Variants in MAGI2 observed in about 807,000 individuals in gnomAD.
MAGI2 encodes membrane associated guanylate kinase, WW and PDZ domain containing 2.
In MAGI2, 35 loss-of-function variants were observed where a neutral mutation model predicts 133.3. That is an observed-to-expected ratio of 0.26 (90% CI 0.20 to 0.35). The LOEUF is 0.35. Ranked by LOEUF, MAGI2 falls within the 10% of genes least tolerant of loss-of-function variation. MAGI2 has a pLI of 1.00. For synonymous variants in MAGI2, 729 were observed against 710.6 expected, an observed-to-expected ratio of 1.03 and a Z score of -0.41; for missense variants, 1,636 against 1,863.4, an observed-to-expected ratio of 0.88 and a Z score of 2.25.
rs118075414 is a variant in MAGI2 at position 78,797,889 on chromosome 7, C to T, written c.419-170650G>A. 7.2e-3 allele frequency among the ~76,000 whole-genome samples: 1,088 copies of T among 151,856 alleles called. 38 individuals carry two copies. The highest frequency in any genetic ancestry group is 0.049 in the Admixed American group (742 of 15,242). On this transcript the variant is annotated intron_variant, in intron 2 of 21. Coordinates refer to ENST00000354212, the MANE Select transcript of MAGI2 (RefSeq NM_012301.4). Reference sequence around the variant, plus strand: ...CAAGAGCAGTTCAAATAATAGGGTGCATGGGTGCATGGCAATGAAACCTGT... The same window carrying T: ...CAAGAGCAGTTCAAATAATAGGGTGTATGGGTGCATGGCAATGAAACCTGT...
chr7:79,074,674 G>A (rs933293589), intron 1 of MAGI2, among the ~76,000 whole-genome samples: 5 of 152,188 alleles, frequency 3.3e-5, no homozygotes, highest in African/African-American at 1.2e-4. Context: ...TTAAGTATGT[G>A]AAAATCAATG....
Position 78,497,754 on chromosome 7 carries a change from A to ATCTATCTGTCTG in MAGI2, c.965+3822_965+3823insCAGACAGATAGA, listed in dbSNP as rs1554442399. Among the ~76,000 whole-genome samples, 76 of 104,494 alleles carry ATCTATCTGTCTG rather than the reference A, an allele frequency of 7.3e-4. No individual in the cohort carries two copies. The South Asian group carries it at 9.8e-3, about 14-fold the overall frequency. 68.6% of individuals were successfully genotyped at this position (104,494 alleles called of 152,430 possible). ...TATCTATCTATCTATCTATCTATCT[A>ATCTATCTGTCTG]TCTATCTATCTTTCTATCTTATACA... On this transcript the variant is annotated intron_variant, in intron 5 of 21. Transcript: ENST00000354212.
chr7:78,366,338 C>T lies in MAGI2; in HGVS notation c.1103+2818G>A, dbSNP rs968669051. On this transcript the variant is annotated intron_variant, in intron 7 of 21. Coordinates refer to ENST00000354212, the MANE Select transcript of MAGI2 (RefSeq NM_012301.4). Reference sequence around the variant, plus strand: ...TTATTTTATATTTATAATACATATACCGAAAATGTGGAGATAGCAACTTAA... The same window carrying T: ...TTATTTTATATTTATAATACATATATCGAAAATGTGGAGATAGCAACTTAA... Among the ~76,000 whole-genome samples, 4 of 152,050 alleles carry T rather than the reference C, an allele frequency of 2.6e-5. No homozygotes were observed. In the East Asian group the frequency reaches 7.7e-4, roughly 29 times the overall value.
At chr7:78,152,024 C>T (rs1295272367) in intron 16 of MAGI2, among the ~76,000 whole-genome samples, 1 of 151,982 alleles carries the variant, frequency 6.6e-6, no homozygotes, top group Non-Finnish European at 1.5e-5. Flanking sequence ...AAGCAACTCA[C>T]AACTTTTGTG....
intron 2 of MAGI2, among the ~76,000 whole-genome samples, chr7:78,867,395 A>G (rs968309350): frequency 1.3e-5 from 2 of 151,178 alleles, no homozygotes; most frequent in Non-Finnish European, 2.9e-5. Flanking sequence ...TTGTAGGGAC[A>G]TGGATGAAAT....
rs757714231 is a variant in MAGI2 at position 78,019,764 on chromosome 7, T to G, written c.3919A>C (p.Lys1307Gln). 2.8e-5 allele frequency: 45 copies of G among 1,612,392 alleles called. No homozygotes were observed. The East Asian group carries it at 2.9e-4, about 10-fold the overall frequency. ...TCCCTCTGCTCCCCGAGGCGCTGCT[T>G]CTTCTGGCCGCAGGCTGAAAGCTCC... ...PKELSACGQK[K>Q]QRLGEQRERS... Residue 1307 changes from lysine (K) to glutamine (Q), a missense_variant, in exon 22 of 22, where the codon AAG becomes CAG. Coordinates refer to ENST00000354212, the MANE Select transcript of MAGI2 (RefSeq NM_012301.4).
chr7:79,033,090 C>G (rs913207284), intron 1 of MAGI2, among the ~76,000 whole-genome samples: 41 of 152,116 alleles, frequency 2.7e-4, no homozygotes, highest in African/African-American at 9.9e-4. Flanking sequence ...GAGGTATGCT[C>G]TTGGATCTGT....
chr7:78,540,117 A>C (rs1798287956), intron 3 of MAGI2, among the ~76,000 whole-genome samples: 1 of 152,172 alleles, frequency 6.6e-6, no homozygotes, highest in South Asian at 2.1e-4. Context: ...CAGGTTTCTC[A>C]GGCAATGGGC....
intron 2 of MAGI2, among the ~76,000 whole-genome samples, chr7:78,659,791 G>A (rs1009917700): frequency 2.6e-5 from 4 of 152,074 alleles, no homozygotes; most frequent in Admixed American, 2.6e-4. Flanking sequence ...GTGGACAACT[G>A]GGTAAAGGAT....
intron 2 of MAGI2, among the ~76,000 whole-genome samples, chr7:78,805,799 A>G (rs1004305288): frequency 5.9e-5 from 9 of 152,156 alleles, no homozygotes; most frequent in Non-Finnish European, 5.9e-5. Context: ...ATAATAGGGA[A>G]CAGCAGGGAA....
chr7:78,382,462 T>C (rs1321208444), intron 6 of MAGI2, among the ~76,000 whole-genome samples: 1 of 152,056 alleles, frequency 6.6e-6, no homozygotes, highest in Non-Finnish European at 1.5e-5. Flanking sequence ...TTGAAGAAAT[T>C]AGAGATTCTA....
intron 1 of MAGI2, among the ~76,000 whole-genome samples, chr7:79,391,264 A>G (rs922248935): frequency 6.6e-6 from 1 of 151,992 alleles, no homozygotes; most frequent in Non-Finnish European, 1.5e-5. Context: ...CTGGTTTAAT[A>G]AAATAATCCA....
chr7:78,723,428 A>G (rs117542027), intron 2 of MAGI2, among the ~76,000 whole-genome samples: 6,803 of 152,312 alleles, frequency 0.045, 229 homozygotes, highest in Non-Finnish European at 0.069. Flanking sequence ...AGTGATTCTG[A>G]AACAAGTAAG....
chr7:78,671,374 A>G (rs1170268236), intron 2 of MAGI2, among the ~76,000 whole-genome samples: 1 of 151,906 alleles, frequency 6.6e-6, no homozygotes, highest in Non-Finnish European at 1.5e-5. Flanking sequence ...TTTTAAACAG[A>G]TACTTTGCAA....
At chr7:79,320,207 C>CA (rs1183758826) in intron 1 of MAGI2, among the ~76,000 whole-genome samples, 1 of 151,854 alleles carries the variant, frequency 6.6e-6, no homozygotes, top group Admixed American at 6.6e-5. Flanking sequence ...CCCATATATA[C>CA]AAAAAATCCC....
intron 1 of MAGI2, among the ~76,000 whole-genome samples, chr7:79,138,866 T>C (rs554477500): frequency 9.7e-4 from 145 of 148,856 alleles, no homozygotes; most frequent in Middle Eastern, 3.6e-3. Flanking sequence ...ATTAGCCGGG[T>C]GTGGTGGTTG....
chr7:79,315,808 A>T (rs1329367779), intron 1 of MAGI2, among the ~76,000 whole-genome samples: 3 of 152,132 alleles, frequency 2.0e-5, no homozygotes, highest in African/African-American at 7.2e-5. Flanking sequence ...TGGAGACCTG[A>T]GATGAGGAGA....
At chr7:78,070,050 G>A (rs1210496082) in intron 21 of MAGI2, among the ~76,000 whole-genome samples, 2 of 150,508 alleles carry the variant, frequency 1.3e-5, no homozygotes, top group East Asian at 3.9e-4. Flanking sequence ...GACCTTAATA[G>A]CTAAACAGGT....
At chr7:79,378,003 T>C (rs1843495409) in intron 1 of MAGI2, among the ~76,000 whole-genome samples, 1 of 151,864 alleles carries the variant, frequency 6.6e-6, no homozygotes, top group South Asian at 2.1e-4. Flanking sequence ...CTAGACATGT[T>C]TTCACAGATA....
Sources: gnomAD v4.1 joint callset for allele counts (sites outside exome capture counted in the v4.1 genomes callset) on GRCh38, gnomAD v4.1.1 for gene constraint, MANE v1.5 for transcripts, NCBI Gene and HGNC (gene_info 2026-07-23, HGNC 2026-07-21) for gene names.